Variants in CPNE8 observed in about 807,000 individuals in gnomAD.
CPNE8 encodes copine-8.
A neutral mutation model predicts 81.5 loss-of-function variants in CPNE8; 45 were observed. That is an observed-to-expected ratio of 0.55 (90% CI 0.44 to 0.71). The LOEUF (loss-of-function observed/expected upper bound fraction) is 0.71, where lower values mean the gene tolerates loss of function less well. Ranked by LOEUF, CPNE8 falls within the 30% of genes least tolerant of loss-of-function variation. The pLI, the probability that CPNE8 is intolerant of heterozygous loss-of-function variation, is 0.00. For missense variants in CPNE8, 594 were observed against 672.1 expected, an observed-to-expected ratio of 0.88 and a Z score of 1.28; for synonymous variants, 252 against 226.3, an observed-to-expected ratio of 1.11 and a Z score of -1.02.
At chr12:38,699,548 C>G (rs1939883961) in intron 14 of CPNE8, among the ~76,000 whole-genome samples, 1 of 152,120 alleles carries the variant, frequency 6.6e-6, no homozygotes, top group Non-Finnish European at 1.5e-5. Flanking sequence ...TTTCTTCTCT[C>G]TTTTTCCCCT....
intron 19 of CPNE8, among the ~76,000 whole-genome samples, chr12:38,659,194 G>T (rs529357193): frequency 2.0e-5 from 3 of 149,640 alleles, no homozygotes; most frequent in African/African-American, 7.3e-5. Flanking sequence ...TGAAGGGATG[G>T]AGGAAGATCT....
intron 6 of CPNE8, among the ~76,000 whole-genome samples, chr12:38,818,303 AGGTGCT>A (rs1286309074): frequency 6.6e-6 from 1 of 151,978 alleles, no homozygotes; most frequent in Non-Finnish European, 1.5e-5. Context: ...ACCCCATGAC[AGGTGCT>A]GGTGTGTGAT....
intron 10 of CPNE8, among the ~76,000 whole-genome samples, chr12:38,746,205 T>C (rs890681402): frequency 1.6e-4 from 25 of 152,134 alleles, no homozygotes; most frequent in South Asian, 2.1e-4. Flanking sequence ...AAAAAACCCT[T>C]TTGAACATAG....
chr12:38,895,550 G>T (rs935624450), intron 1 of CPNE8, among the ~76,000 whole-genome samples: 1 of 151,990 alleles, frequency 6.6e-6, no homozygotes, highest in African/African-American at 2.4e-5. Context: ...ATCAGAAAAA[G>T]ATAAGAATCA....
intron 19 of CPNE8, among the ~76,000 whole-genome samples, chr12:38,662,516 C>T (rs927156501): frequency 1.3e-5 from 2 of 152,092 alleles, no homozygotes; most frequent in Non-Finnish European, 2.9e-5. Flanking sequence ...ATAAAAATCT[C>T]ATGTTCATGG....
chr12:38,785,357 T>C (rs932877993), intron 6 of CPNE8, among the ~76,000 whole-genome samples: 1 of 141,200 alleles, frequency 7.1e-6, no homozygotes, highest in Non-Finnish European at 1.6e-5. Context: ...AATTAACCAA[T>C]AAAAAAAAAA....
At chr12:38,832,941 A>C (rs1461813176) in intron 5 of CPNE8, among the ~76,000 whole-genome samples, 2 of 152,108 alleles carry the variant, frequency 1.3e-5, no homozygotes, top group Non-Finnish European at 2.9e-5. Flanking sequence ...GCTAAATCCA[A>C]CCTCCGAGAG....
intron 1 of CPNE8, among the ~76,000 whole-genome samples, chr12:38,896,630 C>T (rs1172821220): frequency 6.6e-6 from 1 of 152,090 alleles, no homozygotes; most frequent in Non-Finnish European, 1.5e-5. Flanking sequence ...CAGACTACCT[C>T]CTACCTGTCA....
chr12:38,777,344 C>A (rs1485709775), intron 6 of CPNE8, among the ~76,000 whole-genome samples: 1 of 152,088 alleles, frequency 6.6e-6, no homozygotes, highest in East Asian at 1.9e-4. Flanking sequence ...TATTTTTGTA[C>A]AGCTGTGCAA....
intron 1 of CPNE8, among the ~76,000 whole-genome samples, chr12:38,885,635 T>A (rs2137130721): frequency 6.6e-6 from 1 of 152,244 alleles, no homozygotes; most frequent in East Asian, 1.9e-4. Context: ...TCTATTTCAA[T>A]CTTTTTTTTT....
intron 6 of CPNE8, among the ~76,000 whole-genome samples, chr12:38,795,022 C>T (rs1250228081): frequency 6.6e-6 from 1 of 152,170 alleles, no homozygotes; most frequent in Non-Finnish European, 1.5e-5. Context: ...ATACTTCCTG[C>T]CCTCCAATAT....
At chr12:38,795,867 G>GGATA (rs11377515) in intron 6 of CPNE8, among the ~76,000 whole-genome samples, 1,651 of 148,250 alleles carry the variant, frequency 0.011, 14 homozygotes, top group African/African-American at 0.026. Flanking sequence ...ATGGATGGAT[G>GGATA]GATAGATAGA....
intron 1 of CPNE8, among the ~76,000 whole-genome samples, chr12:38,894,509 A>T (rs1312635397): frequency 6.6e-6 from 1 of 152,120 alleles, no homozygotes; most frequent in Non-Finnish European, 1.5e-5. Context: ...TTCCATAATT[A>T]ATTTGAGAGT....
At chr12:38,838,932 T>C (rs1450020582) in intron 5 of CPNE8, among the ~76,000 whole-genome samples, 3 of 151,988 alleles carry the variant, frequency 2.0e-5, no homozygotes, top group Non-Finnish European at 4.4e-5. Flanking sequence ...ATTATTACAC[T>C]CCCCTTCTCC....
intron 13 of CPNE8, among the ~76,000 whole-genome samples, chr12:38,708,284 C>T (rs1286353822): frequency 6.6e-6 from 1 of 151,836 alleles, no homozygotes; most frequent in Non-Finnish European, 1.5e-5. Context: ...AACCAAACAA[C>T]ATTTCAATCA....
chr12:38,788,285 T>C (rs10161183), intron 6 of CPNE8, among the ~76,000 whole-genome samples: 49,927 of 151,742 alleles, frequency 0.33, 9,848 homozygotes, highest in Non-Finnish European at 0.44. Flanking sequence ...AGATTTATCC[T>C]TGGAATGCAA....
chr12:38,767,693 CCTT>C lies in CPNE8; in HGVS notation c.514_516del (p.Lys172del). The C allele has an allele frequency of 6.4e-7, 1 of 1,559,638 alleles. No individual in the cohort carries two copies. The highest frequency in any genetic ancestry group is 8.6e-7 in the Non-Finnish European group (1 of 1,159,670). On this transcript the variant is annotated inframe_deletion, in exon 8 of 20. Transcript: ENST00000331366. ...AAAGGATCTGATTTTCCAAAGAAGT[CCTT>C]CTTGTCCAATTTGTTCGCACAAAAT...
intron 16 of CPNE8, chr12:38,679,693 T>C (rs1397888931): frequency 6.1e-6 from 6 of 984,922 alleles, no homozygotes; most frequent in Non-Finnish European, 7.2e-6. Flanking sequence ...CGTTGGCACA[T>C]TGTTGCACTT....
chr12:38,830,410 T>A, intron 5 of CPNE8, among the ~76,000 whole-genome samples: 1 of 152,148 alleles, frequency 6.6e-6, no homozygotes, highest in Admixed American at 6.5e-5. Flanking sequence ...ATATGCCACA[T>A]AAGAATTTAA....
Sources: allele counts gnomAD v4.1 joint callset (sites outside exome capture counted in the v4.1 genomes callset), GRCh38; gene constraint gnomAD v4.1.1; transcripts MANE v1.5; gene names NCBI Gene and HGNC (gene_info 2026-07-23, HGNC 2026-07-21).